Variants in SSBP3 observed in about 807,000 individuals in gnomAD.
SSBP3 encodes single stranded DNA binding protein 3.
A neutral mutation model predicts 69.6 loss-of-function variants in SSBP3; 5 were observed. The observed-to-expected ratio is 0.07, with a 90% CI of 0.04 to 0.15. The LOEUF (loss-of-function observed/expected upper bound fraction) is 0.15, where lower values mean the gene tolerates loss of function less well. Among genes scored for constraint, SSBP3 ranks in the 10% least tolerant of loss-of-function variants. The pLI is 1.00. For missense variants in SSBP3, 312 were observed against 534.0 expected (o/e 0.58, Z 4.10); for synonymous variants, 196 against 193.4 (o/e 1.01, Z -0.11).
At chr1:54,231,985 T>C (rs1347766928) in intron 14 of SSBP3, among the ~76,000 whole-genome samples, 1 of 152,210 alleles carries the variant, frequency 6.6e-6, no homozygotes, top group Non-Finnish European at 1.5e-5. Context: ...TGAGCCACCA[T>C]GCCCGGCCCC....
At chr1:54,241,585 G>A (rs1302154517) in intron 11 of SSBP3, 76 bp from the exon 12 acceptor site, 9 of 1,487,476 alleles carry the variant, frequency 6.1e-6, no homozygotes, top group South Asian at 3.4e-5. Context: ...CTGAGGACAC[G>A]ACCCACTCTT....
intron 4 of SSBP3, among the ~76,000 whole-genome samples, chr1:54,313,213 A>G (rs962811428): frequency 1.3e-5 from 2 of 151,942 alleles, no homozygotes; most frequent in African/African-American, 4.8e-5. Flanking sequence ...CCAGGGACCA[A>G]TCGGGGTAAT....
At chr1:54,405,464 G>C (rs938457546) in intron 1 of SSBP3, 4 of 161,106 alleles carry the variant, frequency 2.5e-5, no homozygotes, top group Admixed American at 1.7e-4. Context: ...ACGAAGCCGA[G>C]GACAGGGAAG....
At chr1:54,392,834 C>A (rs1019494700) in intron 4 of SSBP3, among the ~76,000 whole-genome samples, 1 of 152,212 alleles carries the variant, frequency 6.6e-6, no homozygotes, top group Non-Finnish European at 1.5e-5. Context: ...AGAGACACAA[C>A]CTTAACTGAA....
At chr1:54,249,457 G>A (rs540923125) in intron 9 of SSBP3, among the ~76,000 whole-genome samples, 2 of 151,778 alleles carry the variant, frequency 1.3e-5, no homozygotes, top group African/African-American at 4.9e-5. Flanking sequence ...CACTTTGGGA[G>A]GCTGAGGTCG....
chr1:54,391,156 A>G (rs1282094592), intron 4 of SSBP3, among the ~76,000 whole-genome samples: 2 of 152,222 alleles, frequency 1.3e-5, no homozygotes, highest in African/African-American at 4.8e-5. Flanking sequence ...CTGGAAACTG[A>G]GTGTCTCCTT....
At position 54,258,416 on chromosome 1, in the gene SSBP3, C is replaced by T. The variant is rs533644449; in HGVS notation, c.367-267G>A. On this transcript the variant is annotated intron_variant, in intron 5 of 17. Coordinates refer to ENST00000610401, the Ensembl canonical transcript of SSBP3. This position sits in a 1 kb window ranked among gnomAD's most constrained non-coding sequence, Gnocchi z 4.5. ...AATGAAGCACCTCTGTCAAAGCACA[C>T]GGGAGTACAGTCCTGGACACAGCCT... Among the ~76,000 whole-genome samples, 15 of 152,250 alleles carry T rather than the reference C, an allele frequency of 9.9e-5. No individual in the cohort carries two copies. The East Asian group carries it at 2.1e-3, about 22-fold the overall frequency.
intron 4 of SSBP3, among the ~76,000 whole-genome samples, chr1:54,399,011 C>G (rs940685905): frequency 6.6e-6 from 1 of 152,202 alleles, no homozygotes; most frequent in African/African-American, 2.4e-5. Context: ...ACTTCAAAAT[C>G]ACCTTGTTCG....
intron 5 of SSBP3, among the ~76,000 whole-genome samples, chr1:54,280,575 G>A (rs943469506): frequency 6.6e-6 from 1 of 151,658 alleles, no homozygotes; most frequent in Non-Finnish European, 1.5e-5. Flanking sequence ...CTGCCGACAG[G>A]CTTGAAAGAA....
At chr1:54,281,469 G>A (rs529305364) in exon 5 of SSBP3, 8 of 1,567,264 alleles carry the variant, frequency 5.1e-6, no homozygotes, top group East Asian at 2.4e-5. Context: ...GGGGCCTCCC[G>A]GCATCCCATC....
chr1:54,261,601 A>C (rs568817572), intron 5 of SSBP3, among the ~76,000 whole-genome samples: 1 of 152,262 alleles, frequency 6.6e-6, no homozygotes, highest in South Asian at 2.1e-4. Flanking sequence ...CATGCAGGAC[A>C]TCTCTGGTGA....
At chr1:54,299,542 C>T (rs920270766) in intron 4 of SSBP3, among the ~76,000 whole-genome samples, 5 of 151,472 alleles carry the variant, frequency 3.3e-5, no homozygotes, top group Admixed American at 3.3e-4. Context: ...CTAGGCTATT[C>T]ACAATCACCC....
intron 4 of SSBP3, among the ~76,000 whole-genome samples, chr1:54,396,025 T>C (rs1264515513): frequency 6.6e-6 from 1 of 151,810 alleles, no homozygotes; most frequent in African/African-American, 2.4e-5. Context: ...ACCCTGTCTC[T>C]ACTAAAAATA....
At chr1:54,405,913 C>G in intron 1 of SSBP3, 40 bp downstream of exon 1, 1 of 1,257,174 alleles carries the variant, frequency 8.0e-7, no homozygotes, top group Non-Finnish European at 1.0e-6. Context: ...CGCCCGCAGC[C>G]CGGCGGCGGC....
intron 4 of SSBP3, among the ~76,000 whole-genome samples, chr1:54,312,797 C>T (rs1031266265): frequency 1.3e-5 from 2 of 152,216 alleles, no homozygotes; most frequent in Non-Finnish European, 2.9e-5. Context: ...CCAGAGCCCA[C>T]AGCACAGTGC....
At chr1:54,335,579 C>A (rs1159707743) in intron 4 of SSBP3, among the ~76,000 whole-genome samples, 2 of 152,214 alleles carry the variant, frequency 1.3e-5, no homozygotes, top group African/African-American at 2.4e-5. Context: ...TTACCACAGG[C>A]TGCCATGGGC....
At chr1:54,334,212 C>T (rs530133842) in intron 4 of SSBP3, among the ~76,000 whole-genome samples, 7 of 151,984 alleles carry the variant, frequency 4.6e-5, no homozygotes, top group African/African-American at 1.2e-4. Flanking sequence ...ATTAGCTGGG[C>T]GTGGTGGTGC....
At chr1:54,225,470 C>A in exon 18 of SSBP3, 1 of 1,186,898 alleles carries the variant, frequency 8.4e-7, no homozygotes, top group Non-Finnish European at 1.1e-6. Context: ...ACGTTATCAA[C>A]ATATATCGTA....
chr1:54,280,586 C>T lies in SSBP3; in HGVS notation c.366+852G>A, dbSNP rs867073553. Among the ~76,000 whole-genome samples the T allele has an allele frequency of 5.3e-5, 8 of 152,270 alleles. No homozygotes were observed. In the South Asian group the frequency reaches 8.3e-4, roughly 16 times the overall value. ...TCAGCTGCCGACAGGCTTGAAAGAA[C>T]GAGAGATGTTATGATCGAGAGTGTC... On this transcript the variant is annotated intron_variant, in intron 5 of 17. Coordinates refer to ENST00000610401, the Ensembl canonical transcript of SSBP3.
Sources: gnomAD v4.1 joint callset for allele counts (sites outside exome capture counted in the v4.1 genomes callset) on GRCh38, gnomAD v4.1.1 for gene constraint, Gnocchi (gnomAD v3.1) non-coding constraint, MANE v1.5 for transcripts, NCBI Gene and HGNC (gene_info 2026-07-23, HGNC 2026-07-21) for gene names.